The following ELAPOR2 variants were observed in gnomAD, a reference collection of about 807,000 sequenced individuals.
The protein encoded by ELAPOR2 is endosome-lysosome associated apoptosis and autophagy regulator family member 2.
In ELAPOR2, 89 loss-of-function variants were observed where a neutral mutation model predicts 120.7. That is an observed-to-expected ratio of 0.74 (90% CI 0.62 to 0.88). ELAPOR2 has a LOEUF of 0.88. ELAPOR2 is among the 40% of genes least tolerant of loss of function. ELAPOR2 has a pLI of 0.00. For synonymous variants in ELAPOR2, 444 were observed against 444.9 expected (o/e 1.00, Z 0.03); for missense variants, 1,134 against 1,251.6 (o/e 0.91, Z 1.42).
intron 1 of ELAPOR2, among the ~76,000 whole-genome samples, chr7:86,979,971 A>T (rs1223914190): frequency 1.3e-5 from 2 of 152,218 alleles, no homozygotes; most frequent in African/African-American, 4.8e-5. Flanking sequence ...TAAAAGCCTA[A>T]AACAAAACAA....
chr7:86,890,553 G>C (rs549475375), intron 21 of ELAPOR2, among the ~76,000 whole-genome samples: 2 of 152,076 alleles, frequency 1.3e-5, no homozygotes, highest in East Asian at 3.9e-4. Flanking sequence ...GTGGCTTTGG[G>C]AGCTGGTATA....
chr7:86,938,282 G>A, intron 7 of ELAPOR2, 68 bp from the exon 8 acceptor site: 2 of 1,231,230 alleles, frequency 1.6e-6, no homozygotes, highest in Non-Finnish European at 2.3e-6. Context: ...AGGCAAAAAA[G>A]CAAAACAGAA....
Position 86,991,322 on chromosome 7 carries a change from G to A in ELAPOR2, c.190-26298C>T, listed in dbSNP as rs537949460. Among the ~76,000 whole-genome samples, 6 of 152,152 alleles carry A rather than the reference G, an allele frequency of 3.9e-5. No homozygotes were observed. The South Asian group carries it at 1.2e-3, about 32-fold the overall frequency. On this transcript the variant is annotated intron_variant, in intron 1 of 21. Coordinates refer to ENST00000450689, the MANE Select transcript of ELAPOR2 (RefSeq NM_001142749.3). ...CATGTTATTTAATAACTGTGTTACTGAATAGCTGGCCAGTCAAACATTCCA... is the reference window on the plus strand; with the variant it reads ...CATGTTATTTAATAACTGTGTTACTAAATAGCTGGCCAGTCAAACATTCCA...
intron 1 of ELAPOR2, among the ~76,000 whole-genome samples, chr7:87,040,466 G>C (rs545040910): frequency 6.6e-6 from 1 of 152,208 alleles, no homozygotes; most frequent in East Asian, 1.9e-4. Context: ...CCTGACCCCC[G>C]AGCAACCTAA....
chr7:86,954,526 CG>C (rs1460084984), intron 2 of ELAPOR2, among the ~76,000 whole-genome samples: 1 of 151,994 alleles, frequency 6.6e-6, no homozygotes, highest in Non-Finnish European at 1.5e-5. Context: ...TAATAATAAA[CG>C]GATTTTCAAT....
At chr7:86,904,986 TC>T (rs914787859) in intron 18 of ELAPOR2, among the ~76,000 whole-genome samples, 4 of 151,290 alleles carry the variant, frequency 2.6e-5, no homozygotes, top group African/African-American at 9.7e-5. Flanking sequence ...AGCATCTCCC[TC>T]CCTCCACTCT....
intron 1 of ELAPOR2, among the ~76,000 whole-genome samples, chr7:86,988,244 G>A (rs1398701274): frequency 1.3e-5 from 2 of 152,124 alleles, no homozygotes; most frequent in African/African-American, 4.8e-5. Flanking sequence ...AATACCTAAT[G>A]TAAATGATGG....
chr7:86,989,565 A>T (rs919827011), intron 1 of ELAPOR2, among the ~76,000 whole-genome samples: 18 of 152,350 alleles, frequency 1.2e-4, no homozygotes, highest in Non-Finnish European at 2.4e-4. Context: ...CCACTTATGC[A>T]GAGTGGCTGA....
chr7:86,905,131 GAAAGA>G lies in ELAPOR2; in HGVS notation c.2558+2534_2558+2538del, dbSNP rs1275414839. ...GGAAGGAAGGAAGGAAGGAAGGAAA[GAAAGA>G]AAAGAAAAGAAAGAAGAGAGAAAGA... On this transcript the variant is annotated intron_variant, in intron 18 of 21. Coordinates refer to ENST00000450689, the MANE Select transcript of ELAPOR2 (RefSeq NM_001142749.3). Among the ~76,000 whole-genome samples the G allele has an allele frequency of 1.8e-3, 262 of 142,208 alleles. 3 individuals are homozygous for G. The highest frequency in any genetic ancestry group is 6.3e-3 in the African/African-American group (239 of 38,088). The allele number at this position is 142,208 out of a possible 152,430, so 93.3% of individuals were successfully genotyped here. A position where few individuals can be genotyped will look rare whatever the true frequency, so the allele number is the denominator to read the frequency against.
intron 1 of ELAPOR2, among the ~76,000 whole-genome samples, chr7:87,020,714 A>G (rs1794010830): frequency 1.3e-5 from 2 of 152,122 alleles, no homozygotes; most frequent in Admixed American, 6.6e-5. Context: ...CCTAAATGCC[A>G]CTGAGTTTTC....
chr7:86,890,172 C>T (rs529306409), intron 21 of ELAPOR2, among the ~76,000 whole-genome samples: 15 of 152,006 alleles, frequency 9.9e-5, no homozygotes, highest in African/African-American at 3.4e-4. Context: ...AGACAATTCT[C>T]CATGGTTCTC....
chr7:86,958,450 C>A (rs73384111), intron 2 of ELAPOR2, among the ~76,000 whole-genome samples: 22 of 152,168 alleles, frequency 1.4e-4, no homozygotes, highest in African/African-American at 5.3e-4. Flanking sequence ...TCCAGGACTG[C>A]AGATCACATT....
chr7:86,897,362 C>T, intron 19 of ELAPOR2, 144 bp downstream of exon 19: 1 of 998,512 alleles, frequency 1.0e-6, no homozygotes, highest in Non-Finnish European at 1.5e-6. Flanking sequence ...AGTTCAGCTG[C>T]CAAACTTGAT....
intron 1 of ELAPOR2, among the ~76,000 whole-genome samples, chr7:86,991,849 T>C (rs571790012): frequency 2.6e-5 from 4 of 151,666 alleles, no homozygotes; most frequent in Admixed American, 6.6e-5. Flanking sequence ...AAGTAGAGAA[T>C]GTGTGCTCTC....
intron 1 of ELAPOR2, among the ~76,000 whole-genome samples, chr7:86,981,661 G>A (rs1369637362): frequency 6.6e-6 from 1 of 152,138 alleles, no homozygotes; most frequent in African/African-American, 2.4e-5. Flanking sequence ...CCTCCTTCTG[G>A]GAATACTTAC....
chr7:87,012,174 G>T, intron 1 of ELAPOR2, among the ~76,000 whole-genome samples: 1 of 152,182 alleles, frequency 6.6e-6, no homozygotes, highest in Non-Finnish European at 1.5e-5. Context: ...CACTTCGGGA[G>T]GCCAAGGTGG....
chr7:86,925,451 G>C (rs1790022221), intron 10 of ELAPOR2, 77 bp downstream of exon 10: 3 of 1,492,524 alleles, frequency 2.0e-6, no homozygotes, highest in Non-Finnish European at 2.8e-6. Context: ...TACTTGGTAT[G>C]TTTTAGAGAG....
At chr7:87,053,728 C>G (rs2129018318) in intron 1 of ELAPOR2, among the ~76,000 whole-genome samples, 1 of 152,192 alleles carries the variant, frequency 6.6e-6, no homozygotes, top group East Asian at 1.9e-4. Flanking sequence ...TTTACTAGTC[C>G]AGGAAAGGAT....
At chr7:87,049,806 G>A (rs1012179001) in intron 1 of ELAPOR2, among the ~76,000 whole-genome samples, 10 of 152,200 alleles carry the variant, frequency 6.6e-5, no homozygotes, top group Non-Finnish European at 1.5e-5. Context: ...TCTATGGTTT[G>A]AATGTGTCCG....
Sources: gnomAD v4.1 joint callset for allele counts (sites outside exome capture counted in the v4.1 genomes callset) on GRCh38, gnomAD v4.1.1 for gene constraint, MANE v1.5 for transcripts, NCBI Gene and HGNC (gene_info 2026-07-23, HGNC 2026-07-21) for gene names.